Variants in SLC4A10 observed in about 807,000 individuals in gnomAD.
SLC4A10 encodes the protein sodium-driven chloride bicarbonate exchanger.
Under a neutral mutation model 137.7 loss-of-function variants are expected in SLC4A10, and 42 were observed. The observed-to-expected ratio is 0.30, with a 90% confidence interval of 0.24 to 0.39. The LOEUF (loss-of-function observed/expected upper bound fraction) is 0.39. Among genes scored for constraint, SLC4A10 ranks in the 10% least tolerant of loss-of-function variants. The probability of loss-of-function intolerance (pLI) is 1.00; values close to 1 mark genes in which losing one functional copy is unlikely to be tolerated. For synonymous variants in SLC4A10, 474 were observed against 464.1 expected (o/e 1.02, Z -0.27); for missense variants, 925 against 1,355.0 (o/e 0.68, Z 4.98).
chr2:161,912,860 T>A (rs572237690), intron 15 of SLC4A10, among the ~76,000 whole-genome samples: 1 of 152,122 alleles, frequency 6.6e-6, no homozygotes, highest in East Asian at 1.9e-4. Flanking sequence ...ATCTAGAAAG[T>A]GAATCACATA....
intron 23 of SLC4A10, among the ~76,000 whole-genome samples, chr2:161,970,080 A>G (rs903869992): frequency 2.6e-5 from 4 of 152,328 alleles, no homozygotes; most frequent in Middle Eastern, 6.8e-3. Context: ...CTCTGTTAAT[A>G]AGACCTCTGG....
intron 10 of SLC4A10, among the ~76,000 whole-genome samples, chr2:161,888,414 C>T (rs529346427): frequency 6.6e-6 from 1 of 152,044 alleles, no homozygotes; most frequent in South Asian, 2.1e-4. Flanking sequence ...ATTGATTCTT[C>T]CTATCCATGA....
chr2:161,796,610 C>T (rs561884351), intron 2 of SLC4A10, among the ~76,000 whole-genome samples: 3 of 152,286 alleles, frequency 2.0e-5, no homozygotes, highest in Admixed American at 1.3e-4. Flanking sequence ...CTTGTTGGAA[C>T]AAGCTGCTAA....
At chr2:161,756,020 C>G (rs1016747166) in intron 1 of SLC4A10, among the ~76,000 whole-genome samples, 2 of 152,106 alleles carry the variant, frequency 1.3e-5, no homozygotes, top group East Asian at 3.9e-4. Context: ...CCACCCCCCT[C>G]AGCCTCCCAA....
chr2:161,846,986 A>G (rs2059536048), intron 4 of SLC4A10, among the ~76,000 whole-genome samples: 1 of 151,896 alleles, frequency 6.6e-6, no homozygotes. Flanking sequence ...TAATCCCAGC[A>G]CTTTGGGTGG....
At chr2:161,624,964 C>T (rs2105360317) in intron 1 of SLC4A10, among the ~76,000 whole-genome samples, 1 of 152,076 alleles carries the variant, frequency 6.6e-6, no homozygotes, top group South Asian at 2.1e-4. Flanking sequence ...ATCGAATTTC[C>T]TCCCCCTGCC....
At chr2:161,955,796 C>T (rs1695555638) in intron 19 of SLC4A10, among the ~76,000 whole-genome samples, 1 of 152,174 alleles carries the variant, frequency 6.6e-6, no homozygotes, top group African/African-American at 2.4e-5. Flanking sequence ...TTATATAAAA[C>T]TACCTCTAAA....
intron 16 of SLC4A10, among the ~76,000 whole-genome samples, chr2:161,945,188 A>G (rs1179383007): frequency 0.25 from 2,183 of 8,576 alleles, 91 homozygotes; most frequent in South Asian, 0.34. Context: ...GTGTGTATAT[A>G]TATATATATA....
At chr2:161,753,280 C>G (rs1004268954) in intron 1 of SLC4A10, among the ~76,000 whole-genome samples, 3 of 152,064 alleles carry the variant, frequency 2.0e-5, no homozygotes, top group African/African-American at 7.2e-5. Context: ...AATTGGAGCT[C>G]CCCAATTAAG....
rs183317200 is a variant in SLC4A10, at chr2:161,949,897, C to T, written c.2379+636C>T. 8.8e-4 allele frequency among the ~76,000 whole-genome samples: 134 copies of T among 151,458 alleles called. 1 individual carries two copies. The highest frequency in any genetic ancestry group is 3.1e-3 in the African/African-American group (127 of 41,240). ...CACATGATGTGAGGTGTGAATTTTC[C>T]GCTTGTGGCATCATGTGAGCGCTCA... On this transcript the variant is annotated intron_variant, in intron 18 of 26. Transcript: ENST00000446997.
chr2:161,928,379 G>A (rs1210368913), intron 15 of SLC4A10, among the ~76,000 whole-genome samples: 1 of 102,852 alleles, frequency 9.7e-6, no homozygotes, highest in East Asian at 3.3e-4. Flanking sequence ...TTGTGGGGTG[G>A]GGGGAGGGGG....
chr2:161,749,455 T>C (rs1381827343), intron 1 of SLC4A10, among the ~76,000 whole-genome samples: 1 of 152,034 alleles, frequency 6.6e-6, no homozygotes, highest in African/African-American at 2.4e-5. Flanking sequence ...GTGAGAGTTT[T>C]TATCATAAAA....
chr2:161,850,711 C>T (rs2059779979), intron 4 of SLC4A10, among the ~76,000 whole-genome samples: 1 of 151,946 alleles, frequency 6.6e-6, no homozygotes, highest in Admixed American at 6.6e-5. Flanking sequence ...CCATTTTATT[C>T]TGTTCAGCTA....
chr2:161,966,377 C>CA (rs1440285675), intron 23 of SLC4A10, among the ~76,000 whole-genome samples: 4 of 151,982 alleles, frequency 2.6e-5, no homozygotes, highest in East Asian at 1.9e-4. Context: ...AATGTTAACA[C>CA]AAAAAATGAT....
chr2:161,747,691 A>G (rs570498862), intron 1 of SLC4A10, among the ~76,000 whole-genome samples: 6 of 151,976 alleles, frequency 3.9e-5, no homozygotes, highest in African/African-American at 7.2e-5. Context: ...CTGTTATTCT[A>G]TTTCTATCAC....
At chr2:161,943,842 A>G (rs1441563051) in intron 16 of SLC4A10, among the ~76,000 whole-genome samples, 2 of 151,932 alleles carry the variant, frequency 1.3e-5, no homozygotes, top group Non-Finnish European at 1.5e-5. Flanking sequence ...GAGCATAGAA[A>G]TCTTTTTTGT....
chr2:161,879,287 A>G lies in SLC4A10; in HGVS notation c.1105A>G (p.Arg369Gly). The part of the protein sequence containing the change: ...QGLAEVPIPT[R>G]FLFILLGPLG... Reference sequence around the variant, plus strand: ...ACTGGCTGAAGTCCCAATCCCAACCAGGTAAAAAGTATAAAAGCGTCTTTT... The same window carrying G: ...ACTGGCTGAAGTCCCAATCCCAACCGGGTAAAAAGTATAAAAGCGTCTTTT... Residue 369 changes from arginine to glycine, a missense_variant and splice_region_variant, in exon 9 of 27, where the codon AGA (arginine) becomes GGA (glycine). By Grantham distance (125) the Arg-to-Gly change is moderately radical (BLOSUM62 -2). Transcript: ENST00000446997. 1 of 1,606,258 alleles carries G rather than the reference A, an allele frequency of 6.2e-7. No homozygotes were observed.
In SLC4A10 at chr2:161,897,995, T is replaced by C. The variant is rs139124453; in HGVS notation, c.1342-2916T>C. Among the ~76,000 whole-genome samples the C allele has an allele frequency of 1.6e-3, 240 of 152,288 alleles. 2 individuals are homozygous for C. In the East Asian group the frequency reaches 0.02, roughly 13 times the overall value. On this transcript the variant is annotated intron_variant, in intron 11 of 26. Coordinates refer to ENST00000446997, the MANE Select transcript of SLC4A10 (RefSeq NM_001178015.2). ...TGAGTGATGGGAGGCCAATATTGTT[T>C]ATGATTTTATGACACCCTTTAAAAT...
chr2:161,827,634 C>G (rs71424719), intron 3 of SLC4A10, among the ~76,000 whole-genome samples: 1 of 151,620 alleles, frequency 6.6e-6, no homozygotes, highest in Admixed American at 6.6e-5. Context: ...CGCGCGATCT[C>G]GGCTCACTGC....
Sources: allele counts gnomAD v4.1 joint callset (sites outside exome capture counted in the v4.1 genomes callset), GRCh38; gene constraint gnomAD v4.1.1; transcripts MANE v1.5; gene names NCBI Gene and HGNC (gene_info 2026-07-23, HGNC 2026-07-21).